The following PEX14 variants were observed in gnomAD, a reference collection of about 807,000 sequenced individuals.
PEX14 encodes the protein peroxisomal biogenesis factor 14.
A neutral mutation model predicts 49.5 loss-of-function variants in PEX14; 15 were observed. The observed-to-expected ratio is 0.30, with a 90% CI of 0.20 to 0.47. PEX14 has a LOEUF of 0.47. Among genes scored for constraint, PEX14 ranks in the 20% least tolerant of loss-of-function variants. PEX14 has a pLI of 1.00. For synonymous variants in PEX14, 210 were observed against 212.7 expected, an observed-to-expected ratio of 0.99 and a Z score of 0.11; for missense variants, 398 against 494.8, an observed-to-expected ratio of 0.80 and a Z score of 1.86.
intron 3 of PEX14, among the ~76,000 whole-genome samples, chr1:10,595,783 T>A (rs1295823405): frequency 2.0e-5 from 3 of 152,212 alleles, no homozygotes; most frequent in Admixed American, 6.5e-5. Flanking sequence ...AGTGTCTGTG[T>A]CTAATTTGCA....
At chr1:10,563,480 A>G (rs1449123206) in intron 3 of PEX14, among the ~76,000 whole-genome samples, 1 of 152,040 alleles carries the variant, frequency 6.6e-6, no homozygotes, top group Non-Finnish European at 1.5e-5. Flanking sequence ...TATGCCAGGC[A>G]TGTGCTGGGC....
At chr1:10,505,930 C>A (rs906682560) in intron 2 of PEX14, among the ~76,000 whole-genome samples, 5 of 152,164 alleles carry the variant, frequency 3.3e-5, no homozygotes, top group Non-Finnish European at 7.4e-5. Flanking sequence ...ATCTGCCCGC[C>A]TCAGCCTCCC....
At chr1:10,592,732 TG>T (rs951984225) in intron 3 of PEX14, among the ~76,000 whole-genome samples, 46 of 152,378 alleles carry the variant, frequency 3.0e-4, no homozygotes, top group Admixed American at 1.3e-3. Flanking sequence ...TTGGTTGATT[TG>T]GCTATGTCAT....
At chr1:10,624,557 T>G in intron 7 of PEX14, 120 bp downstream of exon 7, 1 of 739,536 alleles carries the variant, frequency 1.4e-6, no homozygotes, top group Non-Finnish European at 2.5e-6. Flanking sequence ...AGTCTCACAG[T>G]GGTTACACAG....
chr1:10,598,508 G>C (rs1186289335), intron 3 of PEX14, among the ~76,000 whole-genome samples: 1 of 152,168 alleles, frequency 6.6e-6, no homozygotes, highest in African/African-American at 2.4e-5. Flanking sequence ...TGCAGATGGC[G>C]CCCTGCCACT....
intron 3 of PEX14, among the ~76,000 whole-genome samples, chr1:10,580,645 G>A (rs957425167): frequency 2.6e-5 from 4 of 151,948 alleles, no homozygotes; most frequent in Admixed American, 2.6e-4. Flanking sequence ...ATGTAACATG[G>A]TGTAATATTA....
rs150838517 is a variant in PEX14 at position 10,606,353 on chromosome 1, G to A, written c.298+6987G>A. Among the ~76,000 whole-genome samples, 594 of 152,340 alleles carry A rather than the reference G, an allele frequency of 3.9e-3. 4 individuals carry two copies. The highest frequency in any genetic ancestry group is 4.8e-3 in the Admixed American group (73 of 15,312). ...GGAAAAGGGCAGGCTGCCTTCTAAG[G>A]ACACCTCTTGGAAATTGCCCATGTC... On this transcript the variant is annotated intron_variant, in intron 4 of 8. Coordinates refer to ENST00000356607, the MANE Select transcript of PEX14 (RefSeq NM_004565.3).
chr1:10,572,719 G>T lies in PEX14; in HGVS notation c.170-26519G>T, dbSNP rs562106603. Among the ~76,000 whole-genome samples the T allele has an allele frequency of 2.6e-5, 4 of 151,926 alleles. No homozygotes were observed. In the South Asian group the frequency reaches 6.2e-4, roughly 24 times the overall value. On this transcript the variant is annotated intron_variant, in intron 3 of 8. Transcript: ENST00000356607. ...GCCCAGCTAATTTTTTGTATTTTTA[G>T]TACAGATGGGGTTTCACTGTGTTAG...
chr1:10,475,271 C>T (rs1375324461), intron 1 of PEX14, among the ~76,000 whole-genome samples: 1 of 152,096 alleles, frequency 6.6e-6, no homozygotes, highest in East Asian at 1.9e-4. Context: ...ACCTCTGGTC[C>T]CACTTGAGCT....
At chr1:10,558,307 C>T (rs1304653682) in intron 3 of PEX14, among the ~76,000 whole-genome samples, 2 of 152,112 alleles carry the variant, frequency 1.3e-5, no homozygotes, top group Admixed American at 1.3e-4. Context: ...CGTGCCCGGC[C>T]TGCTTGTATA....
chr1:10,576,059 C>T (rs1557853734), intron 3 of PEX14, among the ~76,000 whole-genome samples: 1 of 152,132 alleles, frequency 6.6e-6, no homozygotes, highest in Non-Finnish European at 1.5e-5. Flanking sequence ...TCCTTCTTCC[C>T]ACCATTTTCT....
rs1203058837 is a variant in PEX14 at position 10,494,850 on chromosome 1, C to T, written c.37-424C>T. 3.3e-5 allele frequency among the ~76,000 whole-genome samples: 5 copies of T among 152,180 alleles called. No individual in the cohort carries two copies. The highest frequency in any genetic ancestry group is 1.3e-4 in the Admixed American group (2 of 15,262). On this transcript the variant is annotated intron_variant, in intron 1 of 8. Transcript: ENST00000356607. The surrounding 1 kb of genome is among the most constrained non-coding windows in gnomAD (Gnocchi z 4.3). ...CCCCTGGTGGTGGAATCTGGTTCTC[C>T]ACTGCTGCGCGACTTTTCTTCCCAG...
intron 4 of PEX14, among the ~76,000 whole-genome samples, chr1:10,601,777 G>A (rs983893027): frequency 1.3e-5 from 2 of 152,188 alleles, no homozygotes; most frequent in African/African-American, 4.8e-5. Context: ...CTGACTTTAT[G>A]TGCTTCTTTT....
chr1:10,581,430 C>T (rs775198699), intron 3 of PEX14, among the ~76,000 whole-genome samples: 3 of 151,250 alleles, frequency 2.0e-5, no homozygotes, highest in Admixed American at 6.6e-5. Context: ...CTCAGCCTCC[C>T]GAGTAGTTGG....
intron 3 of PEX14, among the ~76,000 whole-genome samples, chr1:10,546,424 G>A (rs898169681): frequency 3.9e-5 from 6 of 151,964 alleles, no homozygotes; most frequent in African/African-American, 1.2e-4. Context: ...AATTAGCCGG[G>A]TGTGGTGACG....
chr1:10,585,071 C>T (rs143284643), intron 3 of PEX14, among the ~76,000 whole-genome samples: 306 of 152,162 alleles, frequency 2.0e-3, no homozygotes, highest in African/African-American at 6.6e-3. Flanking sequence ...ATGTCTAGGG[C>T]GTTGGTTCGC....
intron 4 of PEX14, among the ~76,000 whole-genome samples, chr1:10,606,465 A>G (rs1641129794): frequency 1.3e-5 from 2 of 152,186 alleles, no homozygotes; most frequent in African/African-American, 4.8e-5. Flanking sequence ...TCTCGTCAGC[A>G]CATGTCCTCA....
chr1:10,577,566 T>A (rs866755623), intron 3 of PEX14, among the ~76,000 whole-genome samples: 293 of 2,614 alleles, frequency 0.11, 5 homozygotes, highest in East Asian at 0.15. Context: ...ATATATATTT[T>A]TTTTTTTTTT....
At position 10,568,334 on chromosome 1, in the gene PEX14, C is replaced by A. The variant is rs1005167842; in HGVS notation, c.170-30904C>A. Among the ~76,000 whole-genome samples the A allele has an allele frequency of 2.1e-5, 3 of 142,094 alleles. No homozygotes were observed. The East Asian group carries it at 6.4e-4, about 30-fold the overall frequency. 93.2% of individuals were successfully genotyped at this position (142,094 alleles called of 152,430 possible). ...CAAGTAGATACTCTTCCCCCCCCCC[C>A]CCCCACTCCCACTAACAGATAATCA... On this transcript the variant is annotated intron_variant, in intron 3 of 8. Coordinates refer to ENST00000356607, the MANE Select transcript of PEX14 (RefSeq NM_004565.3).
Sources: allele counts gnomAD v4.1 joint callset (sites outside exome capture counted in the v4.1 genomes callset), GRCh38; gene constraint gnomAD v4.1.1; non-coding constraint Gnocchi (gnomAD v3.1); transcripts MANE v1.5; gene names NCBI Gene and HGNC (gene_info 2026-07-23, HGNC 2026-07-21).